RAB3GAP1: variants seen among roughly 807,000 people sequenced by gnomAD.
RAB3GAP1 encodes rab3 GTPase-activating protein catalytic subunit.
RAB3GAP1 carries 86 observed loss-of-function variants against 130.7 expected under a neutral mutation model. The observed-to-expected ratio is 0.66, with a 90% CI of 0.55 to 0.79. RAB3GAP1 has a LOEUF of 0.79. RAB3GAP1 is among the 30% of genes least tolerant of loss of function. RAB3GAP1 has a pLI of 0.00. For missense variants in RAB3GAP1, 1,029 were observed against 1,169.4 expected (o/e 0.88, Z 1.75); for synonymous variants, 367 against 401.7 (o/e 0.91, Z 1.03).
chr2:135,099,340 A>G (rs1690386070), intron 5 of RAB3GAP1, among the ~76,000 whole-genome samples: 2 of 151,876 alleles, frequency 1.3e-5, no homozygotes, highest in South Asian at 4.1e-4. Context: ...TAGATTTTTA[A>G]TATGTTGATT....
At chr2:135,076,812 A>T (rs980214808) in intron 3 of RAB3GAP1, among the ~76,000 whole-genome samples, 8 of 152,252 alleles carry the variant, frequency 5.3e-5, no homozygotes, top group Admixed American at 3.9e-4. Flanking sequence ...ACAACTTCAC[A>T]TAAGTGGCAT....
chr2:135,162,467 G>A, intron 19 of RAB3GAP1, 88 bp from the exon 20 acceptor site: 1 of 962,088 alleles, frequency 1.0e-6, no homozygotes, highest in Non-Finnish European at 1.6e-6. Context: ...GGATTAAGAT[G>A]AGTGGCTGAG....
downstream of RAB3GAP1, among the ~76,000 whole-genome samples, chr2:135,173,792 GC>G (rs1290228368): frequency 2.6e-5 from 4 of 152,166 alleles, no homozygotes; most frequent in African/African-American, 9.7e-5. Context: ...TACTGTCCTG[GC>G]CCCTACTGCC....
chr2:135,060,348 C>T lies in RAB3GAP1; in HGVS notation c.150+2262C>T, dbSNP rs1260623228. 2.7e-5 allele frequency among the ~76,000 whole-genome samples: 4 copies of T among 150,858 alleles called. No homozygotes were observed. In the East Asian group the frequency reaches 7.8e-4, roughly 29 times the overall value. On this transcript the variant is annotated intron_variant, in intron 3 of 23. Coordinates refer to ENST00000264158, the MANE Select transcript of RAB3GAP1 (RefSeq NM_012233.3). ...GATCTCAGCTCACCGCAACCTCCACCTCCCGGGTTCAAGAGATTCTCCTGC... is the reference window on the plus strand; with the variant it reads ...GATCTCAGCTCACCGCAACCTCCACTTCCCGGGTTCAAGAGATTCTCCTGC...
intron 2 of RAB3GAP1, among the ~76,000 whole-genome samples, 162 bp from the exon 3 acceptor site, chr2:135,057,849 T>A (rs1689057437): frequency 6.6e-6 from 1 of 152,222 alleles, no homozygotes; most frequent in Admixed American, 6.5e-5. Flanking sequence ...AGAAGATTAT[T>A]TCTCTTACCC....
At chr2:135,147,480 A>G (rs1438315335) in intron 17 of RAB3GAP1, among the ~76,000 whole-genome samples, 1 of 152,194 alleles carries the variant, frequency 6.6e-6, no homozygotes, top group African/African-American at 2.4e-5. Flanking sequence ...AAAAGCAATA[A>G]TAGTTTGTAT....
chr2:135,081,349 TATATATATATATACACAC>T (rs1689807834), intron 3 of RAB3GAP1, among the ~76,000 whole-genome samples: 1 of 93,274 alleles, frequency 1.1e-5, no homozygotes, highest in African/African-American at 5.8e-5. Context: ...TATATATATA[TATATATATATATACACAC>T]ACGTGTGTGT....
chr2:135,126,230 G>T lies in RAB3GAP1; in HGVS notation c.880G>T (p.Val294Leu). 1 of 1,612,658 alleles carries T rather than the reference G, an allele frequency of 6.2e-7. No individual in the cohort carries two copies. The highest frequency in any genetic ancestry group is 8.5e-7 in the Non-Finnish European group (1 of 1,178,866). ...GCCTCATCTGACCGAAGGGATCATTGTGGATAATGATGTTTATTCGTAAGT... is the reference window on the plus strand; with the variant it reads ...GCCTCATCTGACCGAAGGGATCATTTTGGATAATGATGTTTATTCGTAAGT... The part of the protein sequence containing the change: ...TWPHLTEGII[V>L]DNDVYSDLDP... The change falls in exon 10 of 24, where the codon GTG (valine) becomes TTG (leucine). Residue 294 changes from valine to leucine, a missense_variant. Transcript: ENST00000264158.
intron 2 of RAB3GAP1, among the ~76,000 whole-genome samples, chr2:135,056,844 A>T (rs1383510661): frequency 6.6e-6 from 1 of 152,210 alleles, no homozygotes; most frequent in Non-Finnish European, 1.5e-5. Flanking sequence ...TAGATTTATT[A>T]TTACTATCTT....
At chr2:135,117,609 TCTTCTG>T (rs1558784481) in intron 7 of RAB3GAP1, among the ~76,000 whole-genome samples, 7 of 145,470 alleles carry the variant, frequency 4.8e-5, no homozygotes, top group African/African-American at 8.1e-5. Flanking sequence ...TTCTTCTGCT[TCTTCTG>T]CTTCTGCTTC....
chr2:135,097,892 G>A (rs890049127), intron 5 of RAB3GAP1, among the ~76,000 whole-genome samples: 3 of 152,208 alleles, frequency 2.0e-5, no homozygotes, highest in Non-Finnish European at 2.9e-5. Flanking sequence ...CAGTTCACTC[G>A]GGTAGATACC....
At chr2:135,106,042 C>T (rs1407134344) in intron 5 of RAB3GAP1, among the ~76,000 whole-genome samples, 16 of 152,154 alleles carry the variant, frequency 1.1e-4, no homozygotes, top group African/African-American at 3.9e-4. Context: ...CCGGCAGCCG[C>T]CCCATCTGGG....
intron 3 of RAB3GAP1, chr2:135,058,683 G>T (rs1417489749): frequency 6.6e-6 from 1 of 152,244 alleles, no homozygotes; most frequent in African/African-American, 2.4e-5. Context: ...TAAAGTATTG[G>T]TAGTTTTATT....
At chr2:135,066,629 T>G (rs1689330638) in intron 3 of RAB3GAP1, among the ~76,000 whole-genome samples, 1 of 152,198 alleles carries the variant, frequency 6.6e-6, no homozygotes, top group Non-Finnish European at 1.5e-5. Context: ...TAAAATTACT[T>G]CCAGTGAGTA....
intron 19 of RAB3GAP1, 147 bp from the exon 20 acceptor site, chr2:135,162,408 T>G: frequency 1.4e-6 from 1 of 708,300 alleles, no homozygotes; most frequent in South Asian, 1.5e-5. Flanking sequence ...AGTAACATTA[T>G]CCTCACCTTT....
intron 2 of RAB3GAP1, among the ~76,000 whole-genome samples, chr2:135,056,773 G>A (rs915414466): frequency 6.6e-6 from 1 of 152,124 alleles, no homozygotes; most frequent in African/African-American, 2.4e-5. Flanking sequence ...ATGAATTAGT[G>A]TATGAATTGA....
chr2:135,164,804 G>C (rs1199292967), intron 23 of RAB3GAP1, 108 bp downstream of exon 23: 7 of 822,196 alleles, frequency 8.5e-6, no homozygotes, highest in Non-Finnish European at 1.4e-5. Context: ...TCACCTGAGT[G>C]TAAGTCTGGG....
In RAB3GAP1 at chr2:135,103,035, A is replaced by ATTTTTTTTTTTTTTTTTTTTTTTTTT. The variant is rs539310402; in HGVS notation, c.362+9362_362+9363insTTTTTTTTTTTTTTTTTTTTTTTTTT. ...AAAAAAAAAAAAAATCATTTTTGTG[A>ATTTTTTTTTTTTTTTTTTTTTTTTTT]TTTTTTTTTTTTTTTTTTTTGAGAC... On this transcript the variant is annotated intron_variant, in intron 5 of 23. Transcript: ENST00000264158. Among the ~76,000 whole-genome samples, 13 of 90,886 alleles carry ATTTTTTTTTTTTTTTTTTTTTTTTTT rather than the reference A, an allele frequency of 1.4e-4. 3 individuals carry two copies. The highest frequency in any genetic ancestry group is 2.7e-4 in the African/African-American group (5 of 18,184). The allele number at this position is 90,886 out of a possible 152,430, so 59.6% of individuals were successfully genotyped here.
chr2:135,137,912 A>G (rs562539986), intron 17 of RAB3GAP1, among the ~76,000 whole-genome samples: 10 of 151,018 alleles, frequency 6.6e-5, no homozygotes, highest in Admixed American at 4.0e-4. Flanking sequence ...TGCAGCCTTG[A>G]CCTCCTGGGA....
Sources: allele counts gnomAD v4.1 joint callset (sites outside exome capture counted in the v4.1 genomes callset), GRCh38; gene constraint gnomAD v4.1.1; transcripts MANE v1.5; gene names NCBI Gene and HGNC (gene_info 2026-07-23, HGNC 2026-07-21).